The following AAK1 variants were observed in gnomAD, a reference collection of about 807,000 sequenced individuals.
AAK1 encodes AP2 associated kinase 1, also known as AP2-associated protein kinase 1.
AAK1 carries 37 observed loss-of-function variants against 116.0 expected under a neutral mutation model. The observed-to-expected ratio is 0.32, with a 90% CI of 0.25 to 0.42. The LOEUF is 0.42. Among genes scored for constraint, AAK1 ranks in the 10% least tolerant of loss-of-function variants. AAK1 has a pLI of 1.00. For synonymous variants in AAK1, 458 were observed against 439.9 expected (o/e 1.04, Z -0.51); for missense variants, 919 against 1,170.6 (o/e 0.79, Z 3.14).
intron 16 of AAK1, among the ~76,000 whole-genome samples, chr2:69,498,209 T>C (rs542711739): frequency 5.9e-5 from 9 of 152,338 alleles, no homozygotes; most frequent in Non-Finnish European, 1.0e-4. Flanking sequence ...TGTGGGACAT[T>C]TCTTTTCACC....
At chr2:69,482,897 C>T (rs984183966) in intron 17 of AAK1, 85 bp from the exon 18 acceptor site, 2 of 793,052 alleles carry the variant, frequency 2.5e-6, no homozygotes, top group Non-Finnish European at 4.2e-6. Context: ...TTTAAGCAAA[C>T]ACATTTTAGG....
At chr2:69,634,075 C>T (rs1675341237) in intron 2 of AAK1, among the ~76,000 whole-genome samples, 1 of 152,168 alleles carries the variant, frequency 6.6e-6, no homozygotes, top group South Asian at 2.1e-4. Context: ...GAGGCTGAGG[C>T]AGGAGAATTG....
chr2:69,566,197 T>C (rs920311600), intron 2 of AAK1, among the ~76,000 whole-genome samples: 1 of 152,086 alleles, frequency 6.6e-6, no homozygotes, highest in African/African-American at 2.4e-5. Context: ...TGAAGACAAC[T>C]TTGCCAAAAG....
At position 69,514,597 on chromosome 2, in the gene AAK1, G is replaced by A; in HGVS notation, c.1650C>T (p.Ala550=). 1 of 1,589,526 alleles carries A rather than the reference G, an allele frequency of 6.3e-7. No homozygotes were observed. The highest frequency in any genetic ancestry group is 8.6e-7 in the Non-Finnish European group (1 of 1,168,138). The change falls in exon 13 of 22, where the codon GCC becomes GCT. Residue 550 remains alanine, a synonymous_variant. Transcript: ENST00000409085. ...GAGTCATCAGCTGTTGTTGATGCAG[G>A]GCTGTGGCCAGCTGTTGCTGTTGCT... ...QQQQQQQLAT[A]LHQQQLMTQQ...
At chr2:69,478,306 A>T (rs1192525748) in intron 20 of AAK1, 1 of 152,252 alleles carries the variant, frequency 6.6e-6, no homozygotes, top group African/African-American at 2.4e-5. Context: ...TCAACCATCT[A>T]CTTGAATTGA....
At chr2:69,571,638 G>C (rs1672099019) in intron 2 of AAK1, among the ~76,000 whole-genome samples, 3 of 152,192 alleles carry the variant, frequency 2.0e-5, no homozygotes, top group Non-Finnish European at 2.9e-5. Context: ...ACCCAGAACA[G>C]AGTGTTAAAA....
intron 2 of AAK1, among the ~76,000 whole-genome samples, chr2:69,641,904 T>C (rs1675743501): frequency 3.3e-5 from 5 of 152,112 alleles, no homozygotes; most frequent in Non-Finnish European, 7.4e-5. Context: ...GTTGGCCCCA[T>C]CCAATCAGTC....
At chr2:69,493,389 G>A (rs959758241) in intron 17 of AAK1, among the ~76,000 whole-genome samples, 1 of 152,100 alleles carries the variant, frequency 6.6e-6, no homozygotes, top group Admixed American at 6.5e-5. Context: ...ACTGTGGGCT[G>A]TGCCTTCCTT....
rs192112664 is a variant in AAK1, at chr2:69,607,805, T to A, written c.163+35073A>T. Among the ~76,000 whole-genome samples, 36 of 152,290 alleles carry A rather than the reference T, an allele frequency of 2.4e-4. No homozygotes were observed. The East Asian group carries it at 6.9e-3, about 29-fold the overall frequency. The stretch of plus-strand genomic sequence containing the variant: ...CAGACTAGAGATTAGCCATGACCAC[T>A]CAGCTTGCTGTGAACAGACATATGT... On this transcript the variant is annotated intron_variant, in intron 2 of 21. Coordinates refer to ENST00000409085, the MANE Select transcript of AAK1 (RefSeq NM_014911.5).
intron 17 of AAK1, among the ~76,000 whole-genome samples, chr2:69,488,397 C>T (rs76129185): frequency 0.025 from 3,816 of 152,106 alleles, 73 homozygotes; most frequent in Non-Finnish European, 0.039. Context: ...TGATACTATA[C>T]ATTTTTTGAA....
At chr2:69,510,985 A>G (rs898985782) in intron 13 of AAK1, among the ~76,000 whole-genome samples, 2 of 152,264 alleles carry the variant, frequency 1.3e-5, no homozygotes, top group Admixed American at 1.3e-4. Context: ...TTGTGACCAC[A>G]TGAGTGGTCC....
chr2:69,471,122 C>T lies in AAK1; in HGVS notation c.*4747G>A, dbSNP rs946179829. The T allele has an allele frequency of 2.5e-5, 25 of 985,556 alleles. No homozygotes were observed. Among genetic ancestry groups the T allele is most frequent in the Non-Finnish European group, 1.1e-5 (9 of 829,942 alleles). 61.1% of individuals were successfully genotyped at this position (985,556 alleles called of 1,614,324 possible). The stretch of plus-strand genomic sequence containing the variant: ...CTATGATAAACACACATCCACATGA[C>T]AAAGGAGAGTGCAATAGGGCAGAGT... On this transcript the variant is annotated 3_prime_UTR_variant, in exon 22 of 22. Coordinates refer to ENST00000409085, the MANE Select transcript of AAK1 (RefSeq NM_014911.5).
intron 2 of AAK1, among the ~76,000 whole-genome samples, chr2:69,565,075 C>T (rs938715009): frequency 6.6e-6 from 1 of 152,208 alleles, no homozygotes; most frequent in Admixed American, 6.5e-5. Context: ...AGGAGTGACA[C>T]AGTCCAGCTT....
rs1674790261 is a variant in AAK1 at position 69,474,729 on chromosome 2, C to T, written c.*1140G>A. 1.0e-6 allele frequency: 1 copy of T among 985,556 alleles called. No individual in the cohort carries two copies. The highest frequency in any genetic ancestry group is 1.7e-5 in the African/African-American group (1 of 57,174). The allele number at this position is 985,556 out of a possible 1,614,324, so 61.1% of individuals were successfully genotyped here. ...CTAGAGACAGAGGACCTGCTGAAAG[C>T]TTATAGCACACAAGTCTATTCAAAA... On this transcript the variant is annotated 3_prime_UTR_variant, in exon 22 of 22. Transcript: ENST00000409085.
chr2:69,640,075 TCTCTCC>T lies in AAK1; in HGVS notation c.163+2797_163+2802del, dbSNP rs1229348902. 2.7e-5 allele frequency among the ~76,000 whole-genome samples: 4 copies of T among 149,886 alleles called. No individual in the cohort carries two copies. The East Asian group carries it at 6.1e-4, about 23-fold the overall frequency. On this transcript the variant is annotated intron_variant, in intron 2 of 21. Coordinates refer to ENST00000409085, the MANE Select transcript of AAK1 (RefSeq NM_014911.5). ...CACACTCTCTCTCTCTCTCTCTCTCTCTCTCCCCCCCCACATATATACATATGATGT... is the reference window on the plus strand; with the variant it reads ...CACACTCTCTCTCTCTCTCTCTCTCTCCCCCCACATATATACATATGATGT...
At chr2:69,583,895 G>A (rs1158430933) in intron 2 of AAK1, among the ~76,000 whole-genome samples, 1 of 152,064 alleles carries the variant, frequency 6.6e-6, no homozygotes, top group African/African-American at 2.4e-5. Flanking sequence ...AAAAAATAAA[G>A]TGGATTTCTC....
chr2:69,544,689 G>A (rs1670854808), intron 3 of AAK1, 145 bp from the exon 4 acceptor site: 1 of 625,432 alleles, frequency 1.6e-6, no homozygotes, highest in Non-Finnish European at 2.8e-6. Context: ...GTCAAGAACA[G>A]GTTTCCAGTG....
At position 69,529,400 on chromosome 2, in the gene AAK1, C is replaced by CTT. The variant is rs11450461; in HGVS notation, c.871+606_871+607dup. Reference sequence around the variant, plus strand: ...ATAGGGGCTTTGTGCAAATATTATTCTTTTTTTTTTCTTTAAAGATTACTT... The same window carrying CTT: ...ATAGGGGCTTTGTGCAAATATTATTCTTTTTTTTTTTTCTTTAAAGATTACTT... On this transcript the variant is annotated intron_variant, in intron 8 of 21. Coordinates refer to ENST00000409085, the MANE Select transcript of AAK1 (RefSeq NM_014911.5). 3.0e-3 allele frequency among the ~76,000 whole-genome samples: 449 copies of CTT among 149,930 alleles called. 1 individual carries two copies. The highest frequency in any genetic ancestry group is 8.4e-3 in the African/African-American group (343 of 40,952).
chr2:69,507,363 T>C (rs923281625), intron 15 of AAK1, 58 bp downstream of exon 15: 19 of 1,567,296 alleles, frequency 1.2e-5, no homozygotes, highest in Admixed American at 3.7e-5. Flanking sequence ...TTCCTGGTTA[T>C]TTCTTAGCAC....
Sources: allele counts gnomAD v4.1 joint callset (sites outside exome capture counted in the v4.1 genomes callset), GRCh38; gene constraint gnomAD v4.1.1; transcripts MANE v1.5; gene names NCBI Gene and HGNC (gene_info 2026-07-23, HGNC 2026-07-21).